Variants in STARD13 observed in about 807,000 individuals in gnomAD.
STARD13 encodes stAR-related lipid transfer protein 13.
In STARD13, 62 loss-of-function variants were observed where a neutral mutation model predicts 106.4. The observed-to-expected ratio is 0.58, with a 90% CI of 0.48 to 0.72. The LOEUF is 0.72. Ranked by LOEUF, STARD13 falls within the 30% of genes least tolerant of loss-of-function variation. The pLI is 0.00. For synonymous variants in STARD13, 565 were observed against 553.0 expected, an observed-to-expected ratio of 1.02 and a Z score of -0.31; for missense variants, 1,387 against 1,424.0, an observed-to-expected ratio of 0.97 and a Z score of 0.42.
the STARD13 span, among the ~76,000 whole-genome samples, chr13:33,659,220 C>CTT: frequency 5.9e-5 from 2 of 34,150 alleles, no homozygotes; most frequent in African/African-American, 6.6e-5. Flanking sequence ...TGGGTTTTTT[C>CTT]TTTTTTTTTT....
intron 1 of STARD13, among the ~76,000 whole-genome samples, chr13:33,334,312 C>A (rs1487708260): frequency 3.3e-5 from 5 of 152,132 alleles, no homozygotes; most frequent in Admixed American, 6.5e-5. Context: ...CAAAAGAAAT[C>A]TTGCTGGTGA....
the STARD13 span, among the ~76,000 whole-genome samples, chr13:33,467,526 G>T: frequency 2.0e-5 from 3 of 152,144 alleles, no homozygotes; most frequent in Admixed American, 6.5e-5. Context: ...TGGTCCAGGG[G>T]TTGGGGACCT....
the STARD13 span, among the ~76,000 whole-genome samples, chr13:33,458,745 T>C: frequency 3.3e-5 from 5 of 151,918 alleles, no homozygotes; most frequent in African/African-American, 1.2e-4. Context: ...CTGACAAATG[T>C]GTCCGGATTT....
At chr13:33,222,647 A>G (rs577714502) in intron 1 of STARD13, among the ~76,000 whole-genome samples, 2 of 152,266 alleles carry the variant, frequency 1.3e-5, no homozygotes, top group South Asian at 2.1e-4. Flanking sequence ...TACGACACAC[A>G]TCATGTCTAC....
At chr13:33,552,025 G>C in the STARD13 span, among the ~76,000 whole-genome samples, 2 of 152,014 alleles carry the variant, frequency 1.3e-5, no homozygotes, top group Non-Finnish European at 2.9e-5. Flanking sequence ...TACACTTTGA[G>C]ACAAAAATAA....
the STARD13 span, among the ~76,000 whole-genome samples, chr13:33,543,890 A>T: frequency 0.22 from 33,458 of 152,160 alleles, 4,060 homozygotes; most frequent in East Asian, 0.42. Flanking sequence ...CGGTACTAAA[A>T]TATACTGGTG....
chr13:33,493,314 A>C, the STARD13 span, among the ~76,000 whole-genome samples: 1 of 152,126 alleles, frequency 6.6e-6, no homozygotes, highest in Non-Finnish European at 1.5e-5. Flanking sequence ...ACACTCAACT[A>C]TCCCAACCCC....
the STARD13 span, among the ~76,000 whole-genome samples, chr13:33,378,139 A>G: frequency 2.1e-4 from 32 of 152,258 alleles, no homozygotes; most frequent in African/African-American, 7.7e-4. Context: ...CAAGTTAGCC[A>G]GTGGTGTTCT....
intron 1 of STARD13, among the ~76,000 whole-genome samples, chr13:33,261,556 C>T (rs796561728): frequency 4.6e-5 from 7 of 152,182 alleles, no homozygotes; most frequent in African/African-American, 1.7e-4. Context: ...TTTTGTTCTC[C>T]CGGCATAAGC....
At chr13:33,224,081 G>A (rs1453922254) in intron 1 of STARD13, among the ~76,000 whole-genome samples, 3 of 152,134 alleles carry the variant, frequency 2.0e-5, no homozygotes, top group Non-Finnish European at 4.4e-5. Flanking sequence ...CCTGAATTGG[G>A]TGACCCAAAA....
chr13:33,300,052 C>T (rs1314466785), intron 1 of STARD13, among the ~76,000 whole-genome samples: 4 of 152,118 alleles, frequency 2.6e-5, no homozygotes, highest in Non-Finnish European at 4.4e-5. Context: ...TTCAAGAACA[C>T]CTAGAAATGT....
the STARD13 span, among the ~76,000 whole-genome samples, chr13:33,671,237 T>A: frequency 6.6e-6 from 1 of 152,256 alleles, no homozygotes; most frequent in Non-Finnish European, 1.5e-5. Flanking sequence ...ATAATGCAAA[T>A]GTCCAACAGT....
chr13:33,590,560 G>T, the STARD13 span, among the ~76,000 whole-genome samples: 1 of 151,888 alleles, frequency 6.6e-6, no homozygotes, highest in Non-Finnish European at 1.5e-5. Flanking sequence ...GGACATGGAT[G>T]AAGCTGGAAA....
chr13:33,259,744 A>G (rs73458259), intron 1 of STARD13, among the ~76,000 whole-genome samples: 11,066 of 152,238 alleles, frequency 0.073, 701 homozygotes, highest in African/African-American at 0.17. Flanking sequence ...GCAAATTAAA[A>G]GCTCAACTTA....
chr13:33,429,523 C>CAA, the STARD13 span, among the ~76,000 whole-genome samples: 23 of 99,128 alleles, frequency 2.3e-4, no homozygotes, highest in Middle Eastern at 5.7e-3. Flanking sequence ...GACTCCGTCT[C>CAA]AAAAAAAAAA....
the STARD13 span, among the ~76,000 whole-genome samples, chr13:33,379,398 G>A: frequency 6.6e-6 from 1 of 152,110 alleles, no homozygotes; most frequent in Admixed American, 6.5e-5. Context: ...TACAATGGGG[G>A]TTTTAATTGG....
chr13:33,175,905 T>G (rs1013337964), intron 1 of STARD13, among the ~76,000 whole-genome samples: 1 of 152,236 alleles, frequency 6.6e-6, no homozygotes, highest in African/African-American at 2.4e-5. Context: ...TTTGCTCAAC[T>G]CTTTTTTAGC....
At chr13:33,602,984 CAT>C in the STARD13 span, among the ~76,000 whole-genome samples, 1 of 152,270 alleles carries the variant, frequency 6.6e-6, no homozygotes, top group Admixed American at 6.5e-5. Context: ...TTGGGATAAA[CAT>C]AGAAATTGAT....
At chr13:33,496,005 T>C in the STARD13 span, among the ~76,000 whole-genome samples, 3 of 141,894 alleles carry the variant, frequency 2.1e-5, no homozygotes, top group African/African-American at 7.6e-5. Flanking sequence ...TAAATTATTA[T>C]AATTATATAT....
Sources: gnomAD v4.1 joint callset for allele counts (sites outside exome capture counted in the v4.1 genomes callset) on GRCh38, gnomAD v4.1.1 for gene constraint, MANE v1.5 for transcripts, NCBI Gene and HGNC (gene_info 2026-07-23, HGNC 2026-07-21) for gene names.